The following TBCA variants were observed in gnomAD, a reference collection of about 807,000 sequenced individuals.
TBCA encodes tubulin folding cofactor A, also known as tubulin-specific chaperone A.
A neutral mutation model predicts 15.8 loss-of-function variants in TBCA; 6 were observed. That is an observed-to-expected ratio of 0.38 (90% confidence interval 0.21 to 0.75). TBCA has a LOEUF of 0.75. Among genes scored for constraint, TBCA ranks in the 30% least tolerant of loss-of-function variants. The pLI, the probability that TBCA is intolerant of heterozygous loss-of-function variation, is 0.46. For missense variants in TBCA, 90 were observed against 131.2 expected, an observed-to-expected ratio of 0.69 and a Z score of 1.53; for synonymous variants, 32 against 42.3, an observed-to-expected ratio of 0.76 and a Z score of 0.94.
intron 1 of TBCA, among the ~76,000 whole-genome samples, chr5:77,774,659 T>C (rs466754): frequency 0.44 from 66,508 of 151,584 alleles, 14,697 homozygotes; most frequent in East Asian, 0.53. Flanking sequence ...GATTGATGTC[T>C]TCTGTCTCCC....
At chr5:77,748,874 C>G (rs928274092) in intron 1 of TBCA, among the ~76,000 whole-genome samples, 1 of 152,148 alleles carries the variant, frequency 6.6e-6, no homozygotes, top group African/African-American at 2.4e-5. Context: ...AATATTAAGA[C>G]AATCATAAGG....
At chr5:77,730,367 T>A (rs1213034308) in intron 1 of TBCA, among the ~76,000 whole-genome samples, 4 of 152,138 alleles carry the variant, frequency 2.6e-5, no homozygotes, top group African/African-American at 9.7e-5. Context: ...CTGCCAACTG[T>A]TAAGCCAAAG....
At chr5:77,730,481 T>G (rs901754709) in intron 1 of TBCA, among the ~76,000 whole-genome samples, 7 of 152,254 alleles carry the variant, frequency 4.6e-5, no homozygotes, top group African/African-American at 1.7e-4. Context: ...TAAATTTTAG[T>G]TGTTTTTATG....
intron 1 of TBCA, among the ~76,000 whole-genome samples, chr5:77,757,997 G>C (rs1747516195): frequency 6.6e-6 from 1 of 152,134 alleles, no homozygotes; most frequent in African/African-American, 2.4e-5. Context: ...GTATAAGGTA[G>C]AAAAAGAGAA....
chr5:77,724,682 A>G (rs369843220), intron 1 of TBCA, among the ~76,000 whole-genome samples: 3 of 152,158 alleles, frequency 2.0e-5, no homozygotes, highest in African/African-American at 7.2e-5. Flanking sequence ...AAGCTACTAG[A>G]AGTTTATTAT....
At chr5:77,741,514 C>A (rs766906676) in intron 1 of TBCA, among the ~76,000 whole-genome samples, 1 of 151,792 alleles carries the variant, frequency 6.6e-6, no homozygotes, top group Non-Finnish European at 1.5e-5. Context: ...CCTGATCCTA[C>A]CATTAACCAT....
chr5:77,775,358 C>T (rs567579083), intron 1 of TBCA, among the ~76,000 whole-genome samples: 13 of 152,268 alleles, frequency 8.5e-5, no homozygotes, highest in Admixed American at 7.2e-4. Context: ...CTGGATGCCC[C>T]CCAACCTTCT....
At chr5:77,718,231 C>A (rs1332184759) in intron 1 of TBCA, among the ~76,000 whole-genome samples, 1 of 152,182 alleles carries the variant, frequency 6.6e-6, no homozygotes, top group African/African-American at 2.4e-5. Flanking sequence ...CTATCTACAT[C>A]ACATTTTCAA....
At chr5:77,765,811 A>G (rs1199975118) in intron 1 of TBCA, among the ~76,000 whole-genome samples, 1 of 151,278 alleles carries the variant, frequency 6.6e-6, no homozygotes, top group South Asian at 2.1e-4. Flanking sequence ...TAACCATTAC[A>G]TATGTGTTCT....
chr5:77,706,810 T>TAAA (rs370852221), intron 2 of TBCA, among the ~76,000 whole-genome samples: 1,541 of 108,344 alleles, frequency 0.014, 32 homozygotes, highest in Non-Finnish European at 0.016. Flanking sequence ...GACTCCATCT[T>TAAA]AAAAAAAAAA....
At chr5:77,707,911 T>C (rs893647188) in intron 2 of TBCA, among the ~76,000 whole-genome samples, 48 of 152,082 alleles carry the variant, frequency 3.2e-4, no homozygotes, top group African/African-American at 1.1e-3. Context: ...CCCAGCACTT[T>C]AGAGAGTTGA....
chr5:77,762,119 G>A (rs1300270301), intron 1 of TBCA, among the ~76,000 whole-genome samples: 1 of 152,156 alleles, frequency 6.6e-6, no homozygotes, highest in African/African-American at 2.4e-5. Context: ...GTAGATACTG[G>A]AATGAAAATA....
At chr5:77,756,932 C>G (rs900996670) in intron 1 of TBCA, among the ~76,000 whole-genome samples, 1 of 152,150 alleles carries the variant, frequency 6.6e-6, no homozygotes, top group Non-Finnish European at 1.5e-5. Flanking sequence ...CTTCTCTAGA[C>G]CTTTTCTTGG....
chr5:77,711,541 A>C (rs1436944009), intron 1 of TBCA, among the ~76,000 whole-genome samples: 3 of 152,240 alleles, frequency 2.0e-5, no homozygotes, highest in Non-Finnish European at 4.4e-5. Context: ...TGAATAAAAA[A>C]TTGAGTCTAG....
At chr5:77,719,141 C>T (rs1746472659) in intron 1 of TBCA, among the ~76,000 whole-genome samples, 1 of 152,128 alleles carries the variant, frequency 6.6e-6, no homozygotes, top group African/African-American at 2.4e-5. Flanking sequence ...GTAAGCAGGG[C>T]AACTATCGTC....
intron 1 of TBCA, among the ~76,000 whole-genome samples, chr5:77,729,827 A>T (rs948345148): frequency 1.3e-5 from 2 of 152,200 alleles, no homozygotes; most frequent in African/African-American, 4.8e-5. Context: ...TCTTTGTGAA[A>T]ATGGTAATAC....
At chr5:77,717,664 T>C (rs568410962) in intron 1 of TBCA, among the ~76,000 whole-genome samples, 2 of 151,748 alleles carry the variant, frequency 1.3e-5, no homozygotes, top group South Asian at 4.2e-4. Flanking sequence ...ACCCCGTCTC[T>C]AGTAAAAATA....
intron 1 of TBCA, among the ~76,000 whole-genome samples, chr5:77,756,738 T>C (rs1266642396): frequency 6.6e-6 from 1 of 151,878 alleles, no homozygotes; most frequent in East Asian, 1.9e-4. Context: ...ATCCTTTCAC[T>C]GTACAGGGTA....
intron 2 of TBCA, among the ~76,000 whole-genome samples, chr5:77,704,017 G>A (rs550011665): frequency 2.6e-5 from 4 of 152,148 alleles, no homozygotes; most frequent in Non-Finnish European, 4.4e-5. Flanking sequence ...TGAAGAAGGT[G>A]CTTGCTTCCC....
Sources: allele counts gnomAD v4.1 joint callset (sites outside exome capture counted in the v4.1 genomes callset), GRCh38; gene constraint gnomAD v4.1.1; transcripts MANE v1.5; gene names NCBI Gene and HGNC (gene_info 2026-07-23, HGNC 2026-07-21).